Variants in ASXL3 observed in about 807,000 individuals in gnomAD.
ASXL3 encodes the protein putative Polycomb group protein ASXL3.
In ASXL3, 34 loss-of-function variants were observed where a neutral mutation model predicts 170.6. The observed-to-expected ratio is 0.20, with a 90% CI of 0.15 to 0.27. The LOEUF (loss-of-function observed/expected upper bound fraction) is 0.27, where lower values mean the gene tolerates loss of function less well. Ranked by LOEUF, ASXL3 falls within the 10% of genes least tolerant of loss-of-function variation. ASXL3 has a pLI of 1.00. For missense variants in ASXL3, 2,592 were observed against 2,695.3 expected, an observed-to-expected ratio of 0.96 and a Z score of 0.85; for synonymous variants, 1,002 against 989.1, an observed-to-expected ratio of 1.01 and a Z score of -0.24.
At chr18:33,710,793 A>G (rs2067046559) in intron 8 of ASXL3, among the ~76,000 whole-genome samples, 1 of 152,154 alleles carries the variant, frequency 6.6e-6, no homozygotes. Context: ...ATCTTTAAAC[A>G]TATAGTTAAA....
At chr18:33,720,941 T>C (rs897880134) in intron 8 of ASXL3, among the ~76,000 whole-genome samples, 4 of 152,072 alleles carry the variant, frequency 2.6e-5, no homozygotes, top group Admixed American at 2.6e-4. Context: ...TTAAGGGAAA[T>C]CCCATGTAAG....
intron 1 of ASXL3, among the ~76,000 whole-genome samples, chr18:33,582,645 T>G (rs1421398496): frequency 6.6e-6 from 1 of 152,178 alleles, no homozygotes; most frequent in Admixed American, 6.5e-5. Context: ...CTGATTTATT[T>G]ACTTGTAGTT....
At chr18:33,615,709 C>T (rs954124790) in intron 2 of ASXL3, among the ~76,000 whole-genome samples, 3 of 152,168 alleles carry the variant, frequency 2.0e-5, no homozygotes, top group Admixed American at 6.6e-5. Flanking sequence ...TCAAAAGCTA[C>T]AGTCTTTTGT....
At chr18:33,612,917 A>G (rs2065360253) in intron 2 of ASXL3, among the ~76,000 whole-genome samples, 1 of 152,092 alleles carries the variant, frequency 6.6e-6, no homozygotes, top group Non-Finnish European at 1.5e-5. Context: ...TGGGCATTTT[A>G]GAATTACAGT....
chr18:33,736,999 A>T (rs2067559838), intron 10 of ASXL3, among the ~76,000 whole-genome samples: 1 of 152,154 alleles, frequency 6.6e-6, no homozygotes, highest in South Asian at 2.1e-4. Context: ...TTATTCTAGT[A>T]TCAGTGGTAC....
intron 8 of ASXL3, among the ~76,000 whole-genome samples, chr18:33,701,135 A>G (rs1353532127): frequency 6.6e-6 from 1 of 151,970 alleles, no homozygotes; most frequent in East Asian, 1.9e-4. Flanking sequence ...TAAAGAATAT[A>G]TTCCCTACAT....
Position 33,683,593 on chromosome 18 carries a change from A to G in ASXL3, c.879+25A>G, listed in dbSNP as rs1339630537. 3 of 1,590,412 alleles carry G rather than the reference A, an allele frequency of 1.9e-6. No individual in the cohort carries two copies. In the South Asian group the frequency reaches 3.4e-5, roughly 18 times the overall value. ...GGTAAGTAGAAGTTTTAGACATTTG[A>G]TACCAGCCACTAGTTATATTATGAT... On this transcript the variant is annotated intron_variant, in intron 8 of 11. Transcript: ENST00000269197.
At chr18:33,711,789 C>G (rs1358755404) in intron 8 of ASXL3, among the ~76,000 whole-genome samples, 1 of 152,042 alleles carries the variant, frequency 6.6e-6, no homozygotes, top group African/African-American at 2.4e-5. Flanking sequence ...GCAGTTGCCT[C>G]CCTGCTAATT....
intron 1 of ASXL3, 149 bp downstream of exon 1, chr18:33,578,834 G>C (rs2145083270): frequency 2.5e-6 from 1 of 399,360 alleles, no homozygotes; most frequent in East Asian, 1.2e-4. Context: ...GCGGGAGTGG[G>C]CTCGCCCGGG....
intron 8 of ASXL3, among the ~76,000 whole-genome samples, chr18:33,724,822 A>T (rs1202940950): frequency 6.6e-6 from 1 of 152,152 alleles, no homozygotes; most frequent in Non-Finnish European, 1.5e-5. Flanking sequence ...GTCTTACTGC[A>T]ATTTTGGAAA....
chr18:33,603,850 C>T (rs558736821), intron 1 of ASXL3, among the ~76,000 whole-genome samples: 2 of 151,952 alleles, frequency 1.3e-5, no homozygotes, highest in African/African-American at 2.4e-5. Context: ...ATTTGTTTTA[C>T]AAAGAAAGAA....
intron 7 of ASXL3, among the ~76,000 whole-genome samples, chr18:33,679,816 C>T (rs2066485689): frequency 6.6e-6 from 1 of 152,034 alleles, no homozygotes; most frequent in African/African-American, 2.4e-5. Context: ...TTAAAATCTA[C>T]TTTTAATTAC....
chr18:33,714,621 C>A, intron 8 of ASXL3, among the ~76,000 whole-genome samples: 1 of 152,126 alleles, frequency 6.6e-6, no homozygotes, highest in Non-Finnish European at 1.5e-5. Context: ...AGCAAGCTCC[C>A]TTTTCATTCT....
Position 33,682,639 on chromosome 18 carries a change from C to T in ASXL3, c.716-766C>T, listed in dbSNP as rs570118341. Among the ~76,000 whole-genome samples the T allele has an allele frequency of 9.2e-5, 14 of 152,164 alleles. No homozygotes were observed. In the South Asian group the frequency reaches 1.5e-3, roughly 16 times the overall value. ...CATGGCTCGCTGCACCCCTACCTCCCGCGCTTAAGTGATCGTCCCACCTCA... is the reference window on the plus strand; with the variant it reads ...CATGGCTCGCTGCACCCCTACCTCCTGCGCTTAAGTGATCGTCCCACCTCA... On this transcript the variant is annotated intron_variant, in intron 7 of 11. Coordinates refer to ENST00000269197, the MANE Select transcript of ASXL3 (RefSeq NM_030632.3).
At chr18:33,652,805 T>C (rs960573665) in intron 4 of ASXL3, among the ~76,000 whole-genome samples, 10 of 152,024 alleles carry the variant, frequency 6.6e-5, no homozygotes, top group African/African-American at 2.4e-4. Context: ...TTTGTTTTCA[T>C]TGGCTCAGAG....
rs367629198 is a variant in ASXL3 at position 33,670,806 on chromosome 18, A to G, written c.595+16A>G. ...TCGCCTTCAGGTAAAGAGCTGAAATATCATATGCTTGGCCAGTTTCTTCCT... is the reference window on the plus strand; with the variant it reads ...TCGCCTTCAGGTAAAGAGCTGAAATGTCATATGCTTGGCCAGTTTCTTCCT... On this transcript the variant is annotated intron_variant, in intron 6 of 11. Transcript: ENST00000269197. The G allele has an allele frequency of 1.3e-6, 2 of 1,484,076 alleles. No homozygotes were observed. Among genetic ancestry groups the G allele is most frequent in the African/African-American group, 2.8e-5 (2 of 70,754 alleles). 91.9% of individuals were successfully genotyped at this position (1,484,076 alleles called of 1,614,324 possible).
chr18:33,656,230 G>T (rs189231847), intron 4 of ASXL3, among the ~76,000 whole-genome samples: 11 of 152,074 alleles, frequency 7.2e-5, no homozygotes, highest in Non-Finnish European at 2.9e-5. Flanking sequence ...AATTACATTA[G>T]GAGGGAATAC....
In ASXL3 at chr18:33,740,122, A is replaced by G. The variant is rs1318284370; in HGVS notation, c.2718A>G (p.Gln906=). 9.9e-6 allele frequency: 16 copies of G among 1,613,846 alleles called. No individual in the cohort carries two copies. The highest frequency in any genetic ancestry group is 1.3e-5 in the African/African-American group (1 of 74,944). The part of the protein sequence containing the change: ...ELPSAKLQDK[Q]YISSVDKAPF... ...CATCTGCTAAATTACAGGACAAGCA[A>G]TATATCTCATCAGTGGATAAGGCTC... The change falls in exon 11 of 12, where the codon CAA becomes CAG. Residue 906 remains glutamine, a synonymous_variant. Coordinates refer to ENST00000269197, the MANE Select transcript of ASXL3 (RefSeq NM_030632.3).
chr18:33,731,886 C>T, intron 8 of ASXL3, 82 bp from the exon 9 acceptor site: 1 of 1,069,748 alleles, frequency 9.3e-7, no homozygotes, highest in Non-Finnish European at 1.4e-6. Context: ...CCCAACACCA[C>T]TCAATTTTTG....
Sources: allele counts gnomAD v4.1 joint callset (sites outside exome capture counted in the v4.1 genomes callset), GRCh38; gene constraint gnomAD v4.1.1; transcripts MANE v1.5; gene names NCBI Gene and HGNC (gene_info 2026-07-23, HGNC 2026-07-21).